Variants in SGK1 observed in about 807,000 individuals in gnomAD.
The protein encoded by SGK1 is serum/glucocorticoid regulated kinase 1, also known as serine/threonine-protein kinase Sgk1.
In SGK1, 26 loss-of-function variants were observed where a neutral mutation model predicts 64.2. That is an observed-to-expected ratio of 0.40 (90% CI 0.30 to 0.56). The LOEUF (loss-of-function observed/expected upper bound fraction) is 0.56, where lower values mean the gene tolerates loss of function less well. Ranked by LOEUF, SGK1 falls within the 20% of genes least tolerant of loss-of-function variation. SGK1 has a pLI of 0.38. For synonymous variants in SGK1, 265 were observed against 239.7 expected, an observed-to-expected ratio of 1.11 and a Z score of -0.98; for missense variants, 519 against 645.6, an observed-to-expected ratio of 0.80 and a Z score of 2.12.
chr6:134,176,980 C>T (rs1028085289), intron 3 of SGK1, among the ~76,000 whole-genome samples: 1 of 152,208 alleles, frequency 6.6e-6, no homozygotes, highest in African/African-American at 2.4e-5. Flanking sequence ...CTTTGGGAGG[C>T]CAAGGCGGGC....
intron 3 of SGK1, among the ~76,000 whole-genome samples, chr6:134,198,699 T>A (rs939615401): frequency 4.4e-4 from 18 of 40,494 alleles, no homozygotes; most frequent in African/African-American, 1.0e-3. Context: ...TTTATAGTGA[T>A]TTTTTTTCTT....
At chr6:134,280,036 A>AT (rs1777070451) in intron 1 of SGK1, among the ~76,000 whole-genome samples, 1 of 151,894 alleles carries the variant, frequency 6.6e-6, no homozygotes, top group South Asian at 2.1e-4. Flanking sequence ...CTACAATAAG[A>AT]TAAAAAAATA....
chr6:134,278,614 T>A (rs1209792578), intron 1 of SGK1, among the ~76,000 whole-genome samples: 1 of 152,202 alleles, frequency 6.6e-6, no homozygotes, highest in Non-Finnish European at 1.5e-5. Flanking sequence ...ATTCTATTTT[T>A]TTTTCTCACT....
chr6:134,277,651 C>T (rs1197303143), intron 1 of SGK1, among the ~76,000 whole-genome samples: 2 of 152,120 alleles, frequency 1.3e-5, no homozygotes, highest in Non-Finnish European at 2.9e-5. Flanking sequence ...TCCTCAAAGA[C>T]ATCTTCCTTT....
chr6:134,237,622 G>A (rs944860812), intron 2 of SGK1, among the ~76,000 whole-genome samples: 1 of 152,150 alleles, frequency 6.6e-6, no homozygotes, highest in South Asian at 2.1e-4. Flanking sequence ...AGGTTGCAGT[G>A]AGCCAAGATC....
chr6:134,240,903 C>T (rs945007287), intron 2 of SGK1, among the ~76,000 whole-genome samples: 2 of 152,074 alleles, frequency 1.3e-5, no homozygotes, highest in Non-Finnish European at 2.9e-5. Flanking sequence ...AGTTAGTGCC[C>T]GCCGAACTCT....
chr6:134,301,308 G>A (rs1777449645), intron 1 of SGK1, among the ~76,000 whole-genome samples: 1 of 152,120 alleles, frequency 6.6e-6, no homozygotes, highest in Admixed American at 6.6e-5. Flanking sequence ...CAGTAAGAGG[G>A]AAAGGGCAAA....
chr6:134,175,024 TC>T (rs1047419438), intron 3 of SGK1: 2 of 905,456 alleles, frequency 2.2e-6, no homozygotes, highest in Non-Finnish European at 3.1e-6. Context: ...GGCGGTTCTG[TC>T]CCCATTGAGA....
intron 2 of SGK1, among the ~76,000 whole-genome samples, chr6:134,209,894 C>G (rs1410754577): frequency 6.6e-6 from 1 of 152,182 alleles, no homozygotes; most frequent in African/African-American, 2.4e-5. Flanking sequence ...TCAGACTGGT[C>G]TTGAACTTCT....
intron 2 of SGK1, among the ~76,000 whole-genome samples, chr6:134,253,079 G>T (rs1444952848): frequency 6.6e-6 from 1 of 151,972 alleles, no homozygotes; most frequent in East Asian, 1.9e-4. Flanking sequence ...AAGCCTTCTG[G>T]GCTTCAAAGG....
intron 3 of SGK1, among the ~76,000 whole-genome samples, chr6:134,195,416 C>T (rs921282977): frequency 6.6e-6 from 1 of 152,200 alleles, no homozygotes; most frequent in African/African-American, 2.4e-5. Context: ...TGAGGGGCCT[C>T]TCTGTGTTGA....
At chr6:134,265,878 T>G (rs1490381475) in intron 1 of SGK1, among the ~76,000 whole-genome samples, 1 of 151,722 alleles carries the variant, frequency 6.6e-6, no homozygotes, top group Admixed American at 6.6e-5. Flanking sequence ...TGGGCTCAAG[T>G]GTTCCCCTCC....
chr6:134,260,692 A>G (rs1323776841), intron 2 of SGK1: 1 of 151,800 alleles, frequency 6.6e-6, no homozygotes, highest in African/African-American at 2.4e-5. Flanking sequence ...AGAAAGAAAG[A>G]AAGTAGACAA....
intron 1 of SGK1, among the ~76,000 whole-genome samples, chr6:134,283,632 G>A (rs1777130326): frequency 1.3e-5 from 2 of 151,942 alleles, no homozygotes; most frequent in African/African-American, 4.8e-5. Flanking sequence ...AGGATCATTT[G>A]AGCCTGGGAG....
intron 2 of SGK1, among the ~76,000 whole-genome samples, chr6:134,218,437 CTTT>C (rs71003680): frequency 2.3e-5 from 3 of 129,172 alleles, no homozygotes; most frequent in Non-Finnish European, 1.6e-5. Context: ...TTCTTTTTTT[CTTT>C]TTTTTTTTTT....
chr6:134,199,376 T>G (rs943448280), intron 3 of SGK1, among the ~76,000 whole-genome samples: 1 of 151,988 alleles, frequency 6.6e-6, no homozygotes, highest in Non-Finnish European at 1.5e-5. Context: ...CTGGCCAACA[T>G]GGTGAAACCG....
At chr6:134,291,980 T>C (rs1777272360) in intron 1 of SGK1, among the ~76,000 whole-genome samples, 1 of 151,932 alleles carries the variant, frequency 6.6e-6, no homozygotes, top group South Asian at 2.1e-4. Context: ...GGGACAAGCC[T>C]TGAACCCAGG....
At chr6:134,225,067 A>T (rs1763496) in intron 2 of SGK1, among the ~76,000 whole-genome samples, 1 of 147,586 alleles carries the variant, frequency 6.8e-6, no homozygotes, top group African/African-American at 2.5e-5. Flanking sequence ...ATGTAATTGT[A>T]GGCCGATGCG....
At chr6:134,232,295 G>C (rs1562259592) in intron 2 of SGK1, among the ~76,000 whole-genome samples, 1 of 151,436 alleles carries the variant, frequency 6.6e-6, no homozygotes, top group Non-Finnish European at 1.5e-5. Flanking sequence ...TGAGGCAGGA[G>C]AATCACTTGA....
Sources: gnomAD v4.1 joint callset for allele counts (sites outside exome capture counted in the v4.1 genomes callset) on GRCh38, gnomAD v4.1.1 for gene constraint, MANE v1.5 for transcripts, NCBI Gene and HGNC (gene_info 2026-07-23, HGNC 2026-07-21) for gene names.